CDS2: variants seen among roughly 807,000 people sequenced by gnomAD.
CDS2 encodes phosphatidate cytidylyltransferase 2.
CDS2 carries 47 observed loss-of-function variants against 59.0 expected under a neutral mutation model. The observed-to-expected ratio is 0.80, with a 90% CI of 0.63 to 1.02. The LOEUF is 1.02. Among genes scored for constraint, CDS2 ranks in the 50% least tolerant of loss-of-function variants. The pLI, the probability that CDS2 is intolerant of heterozygous loss-of-function variation, is 0.00. For synonymous variants in CDS2, 207 were observed against 206.4 expected (o/e 1.00, Z -0.02); for missense variants, 356 against 558.9 (o/e 0.64, Z 3.66).
At chr20:5,130,508 G>A (rs1169601388) in intron 1 of CDS2, among the ~76,000 whole-genome samples, 3 of 149,358 alleles carry the variant, frequency 2.0e-5, no homozygotes, top group South Asian at 2.2e-4. Flanking sequence ...TGGGCGCGGT[G>A]GCTCACGCCT....
chr20:5,169,849 G>A (rs2090942095), intron 1 of CDS2, among the ~76,000 whole-genome samples: 1 of 152,190 alleles, frequency 6.6e-6, no homozygotes, highest in African/African-American at 2.4e-5. Flanking sequence ...GTGTGAAAGA[G>A]CTTGAAGCAA....
chr20:5,187,594 A>G (rs1490873066), intron 10 of CDS2: 3 of 152,164 alleles, frequency 2.0e-5, no homozygotes, highest in African/African-American at 4.8e-5. Flanking sequence ...AAAGAAAACA[A>G]CTGAGGCTAG....
chr20:5,189,936 A>G, intron 12 of CDS2, 98 bp downstream of exon 12: 1 of 1,348,212 alleles, frequency 7.4e-7, no homozygotes, highest in Admixed American at 1.9e-5. Context: ...AAAGCATCCC[A>G]AATAATGCAG....
intron 2 of CDS2, 62 bp downstream of exon 2, chr20:5,173,721 G>A (rs562153926): frequency 8.1e-6 from 13 of 1,598,666 alleles, no homozygotes; most frequent in Non-Finnish European, 1.1e-5. Flanking sequence ...AAGTGCCCTG[G>A]AAGAGCCTGC....
chr20:5,152,674 C>T (rs1334856739), intron 1 of CDS2, among the ~76,000 whole-genome samples: 5 of 152,138 alleles, frequency 3.3e-5, no homozygotes, highest in East Asian at 3.8e-4. Flanking sequence ...ACTCGGGAGG[C>T]GGAGGTTGCA....
At chr20:5,154,692 G>T (rs1425884379) in intron 1 of CDS2, among the ~76,000 whole-genome samples, 3 of 152,168 alleles carry the variant, frequency 2.0e-5, no homozygotes, top group African/African-American at 7.2e-5. Context: ...CTGTCACCCA[G>T]GTGGGACTGC....
rs763423288 is a variant in CDS2, at chr20:5,184,898, A to G, written c.712A>G (p.Met238Val). The G allele has an allele frequency of 2.5e-6, 4 of 1,614,028 alleles. No individual in the cohort carries two copies. Among genetic ancestry groups the G allele is most frequent in the Non-Finnish European group, 3.4e-6 (4 of 1,179,958 alleles). The part of the protein sequence containing the change: ...PISCVICNDI[M>V]AYMFGFFFGR... Reference sequence around the variant, plus strand: ...ATCTTGTGTGATCTGTAATGACATCATGGCCTATATGTTTGGCTTTTTCTT... The same window carrying G: ...ATCTTGTGTGATCTGTAATGACATCGTGGCCTATATGTTTGGCTTTTTCTT... The change falls in exon 8 of 13, where the codon ATG (methionine) becomes GTG (valine). Residue 238 changes from methionine to valine, a missense_variant. Physicochemically the swap from Met to Val is conservative, Grantham distance 21. Around this residue, in one of 5 missense-constraint regions of CDS2, gnomAD observed 87 missense variants for 193.3 expected, o/e 0.45. Transcript: ENST00000460006. The surrounding 1 kb of genome is among the most constrained non-coding windows in gnomAD (Gnocchi z 4.3).
At chr20:5,186,957 C>T (rs996108205) in intron 10 of CDS2, 118 bp downstream of exon 10, 38 of 1,164,476 alleles carry the variant, frequency 3.3e-5, no homozygotes, top group Non-Finnish European at 1.5e-5. Flanking sequence ...AGCTGTAAGC[C>T]CCAGGATGAA....
At chr20:5,148,265 T>C (rs1443503752) in intron 1 of CDS2, among the ~76,000 whole-genome samples, 1 of 152,140 alleles carries the variant, frequency 6.6e-6, no homozygotes, top group Non-Finnish European at 1.5e-5. Context: ...GTGGCTGAGA[T>C]TGAAACCCAG....
chr20:5,131,164 T>C (rs2090605006), intron 1 of CDS2, among the ~76,000 whole-genome samples: 1 of 151,836 alleles, frequency 6.6e-6, no homozygotes, highest in Non-Finnish European at 1.5e-5. Context: ...GCTTAACTGC[T>C]GTGGCAAAAC....
intron 1 of CDS2, among the ~76,000 whole-genome samples, chr20:5,170,806 G>A (rs1309522670): frequency 1.3e-5 from 2 of 152,218 alleles, no homozygotes; most frequent in East Asian, 3.8e-4. Context: ...AAAATTGATA[G>A]ACTGCTAGCA....
chr20:5,146,749 A>C (rs1390126424), intron 1 of CDS2, among the ~76,000 whole-genome samples: 7 of 152,240 alleles, frequency 4.6e-5, no homozygotes, highest in Non-Finnish European at 8.8e-5. Flanking sequence ...ATGTCTGTTT[A>C]ACTGCAAATG....
In CDS2 at chr20:5,127,030, C is replaced by G; in HGVS notation, c.-63C>G. 1 of 1,441,154 alleles carries G rather than the reference C, an allele frequency of 6.9e-7. No homozygotes were observed. The highest frequency in any genetic ancestry group is 9.2e-7 in the Non-Finnish European group (1 of 1,088,530). The allele number at this position is 1,441,154 out of a possible 1,614,324, so 89.3% of individuals were successfully genotyped here. A position where few individuals can be genotyped will look rare whatever the true frequency, so the allele number is the denominator to read the frequency against. On this transcript the variant is annotated 5_prime_UTR_variant, in exon 1 of 13. Coordinates refer to ENST00000460006, the MANE Select transcript of CDS2 (RefSeq NM_003818.4). The stretch of plus-strand genomic sequence containing the variant: ...CGTGGGAGTCCGCGCGTGCCCGCGC[C>G]GAGCTGCCTGCTCCGGCGGCTTCGC...
intron 1 of CDS2, among the ~76,000 whole-genome samples, chr20:5,134,181 C>A (rs1263371290): frequency 3.3e-5 from 5 of 152,202 alleles, no homozygotes; most frequent in Non-Finnish European, 5.9e-5. Flanking sequence ...ACTCCCGGCG[C>A]AGTGCTTGAA....
At chr20:5,183,267 G>A (rs2123058521) in intron 7 of CDS2, 124 bp downstream of exon 7, 1 of 746,702 alleles carries the variant, frequency 1.3e-6, no homozygotes, top group Non-Finnish European at 2.3e-6. Flanking sequence ...GTTCATTATA[G>A]CACAGATTGC....
Position 5,176,726 on chromosome 20 carries a change from TGGTTCAG to T in CDS2, c.372_378del (p.Trp124Ter). ...CGTCTACCACTCATATGATCTGCCC[TGGTTCAG>T]GACGCTCAGCTGGTAAGCTCTCCGG... On this transcript the variant is annotated frameshift_variant, in exon 4 of 13. Transcript: ENST00000460006. LOFTEE classifies it high-confidence loss of function. The T allele has an allele frequency of 6.2e-7, 1 of 1,613,738 alleles. No individual in the cohort carries two copies. Among genetic ancestry groups the T allele is most frequent in the African/African-American group, 1.3e-5 (1 of 75,046 alleles).
intron 1 of CDS2, among the ~76,000 whole-genome samples, chr20:5,137,900 G>A (rs527850612): frequency 2.6e-5 from 4 of 151,564 alleles, no homozygotes; most frequent in East Asian, 2.0e-4. Context: ...CCGGGTTCAC[G>A]ACATTCTCCT....
At chr20:5,176,449 G>A (rs1600506849) in intron 3 of CDS2, 199 bp from the exon 4 acceptor site, 1 of 545,360 alleles carries the variant, frequency 1.8e-6, no homozygotes, top group Non-Finnish European at 3.3e-6. Flanking sequence ...GTGGAAAATT[G>A]GATCTACTCC....
intron 12 of CDS2, 123 bp from the exon 13 acceptor site, chr20:5,189,979 G>T: frequency 7.1e-7 from 1 of 1,401,588 alleles, no homozygotes; most frequent in Admixed American, 2.0e-5. Flanking sequence ...GATTTTCTGA[G>T]GCCTCCTGTC....
Sources: gnomAD v4.1 joint callset for allele counts (sites outside exome capture counted in the v4.1 genomes callset) on GRCh38, gnomAD v4.1.1 for gene constraint, gnomAD v4.1.1 regional missense constraint, Gnocchi (gnomAD v3.1) non-coding constraint, MANE v1.5 for transcripts, NCBI Gene and HGNC (gene_info 2026-07-23, HGNC 2026-07-21) for gene names.